Variants in ADAMTSL1 observed in about 807,000 individuals in gnomAD.
The protein encoded by ADAMTSL1 is ADAMTS like 1.
A neutral mutation model predicts 201.8 loss-of-function variants in ADAMTSL1; 126 were observed. The ratio of observed to expected loss-of-function variants is 0.62; its 90% CI spans 0.54 to 0.72. The LOEUF is 0.72. Ranked by LOEUF, ADAMTSL1 falls within the 30% of genes least tolerant of loss-of-function variation. ADAMTSL1 has a pLI of 0.00. For synonymous variants in ADAMTSL1, 1,121 were observed against 903.4 expected (o/e 1.24, Z -4.32); for missense variants, 2,679 against 2,277.8 (o/e 1.18, Z -3.59).
chr9:18,726,257 C>T lies in ADAMTSL1; in HGVS notation c.2006+4592C>T, dbSNP rs971916744. On this transcript the variant is annotated intron_variant, in intron 15 of 28. Coordinates refer to ENST00000380548, the MANE Select transcript of ADAMTSL1 (RefSeq NM_001040272.6). ...GTGGCTCACACCTGTAATCCCAGTACTTTGGGAGGCCAAGGCAGATGGATT... is the reference window on the plus strand; with the variant it reads ...GTGGCTCACACCTGTAATCCCAGTATTTTGGGAGGCCAAGGCAGATGGATT... 3.9e-5 allele frequency among the ~76,000 whole-genome samples: 6 copies of T among 152,266 alleles called. No individual in the cohort carries two copies. In the East Asian group the frequency reaches 5.8e-4, roughly 15 times the overall value.
chr9:18,286,707 G>A (rs1228578064), intron 2 of ADAMTSL1, among the ~76,000 whole-genome samples: 1 of 54,674 alleles, frequency 1.8e-5, no homozygotes, highest in African/African-American at 3.9e-5. Context: ...TGCATTATCA[G>A]GCCCATTCCT....
intron 1 of ADAMTSL1, among the ~76,000 whole-genome samples, chr9:17,927,904 T>A (rs1039176201): frequency 3.3e-5 from 5 of 152,194 alleles, no homozygotes; most frequent in Admixed American, 6.5e-5. Context: ...TGAGTTGCTT[T>A]CACTTTTTGG....
chr9:18,598,069 C>G (rs1198158447), intron 4 of ADAMTSL1, among the ~76,000 whole-genome samples: 3 of 152,084 alleles, frequency 2.0e-5, no homozygotes, highest in Non-Finnish European at 4.4e-5. Flanking sequence ...TCTGAAAAAT[C>G]TAGGGAGAAT....
chr9:18,240,437 G>T (rs1372520525), intron 2 of ADAMTSL1, among the ~76,000 whole-genome samples: 3 of 150,584 alleles, frequency 2.0e-5, no homozygotes, highest in Admixed American at 6.6e-5. Context: ...AGGCTTTGTT[G>T]TTCCATTTAT....
intron 2 of ADAMTSL1, among the ~76,000 whole-genome samples, chr9:18,291,697 GCTCTCT>G (rs71333035): frequency 2.3e-5 from 3 of 132,514 alleles, no homozygotes; most frequent in East Asian, 4.4e-4. Flanking sequence ...GTGCGCACAT[GCTCTCT>G]CTCTCTCTCT....
intron 3 of ADAMTSL1, among the ~76,000 whole-genome samples, chr9:18,563,155 C>G (rs1389174719): frequency 6.6e-6 from 1 of 152,194 alleles, no homozygotes; most frequent in African/African-American, 2.4e-5. Flanking sequence ...ATGGATTTAT[C>G]TACCTTTGGT....
chr9:18,755,142 T>A (rs1819680421), intron 16 of ADAMTSL1, among the ~76,000 whole-genome samples: 1 of 152,224 alleles, frequency 6.6e-6, no homozygotes, highest in African/African-American at 2.4e-5. Context: ...ATGATGTAAC[T>A]GTGGCCTAGA....
chr9:18,112,228 A>C (rs1825054815), intron 1 of ADAMTSL1, among the ~76,000 whole-genome samples: 1 of 152,074 alleles, frequency 6.6e-6, no homozygotes, highest in Non-Finnish European at 1.5e-5. Context: ...AGATGTCATT[A>C]AGGTCCTGTC....
chr9:18,525,889 G>T (rs906397739), intron 2 of ADAMTSL1, among the ~76,000 whole-genome samples: 4 of 152,208 alleles, frequency 2.6e-5, no homozygotes, highest in African/African-American at 2.4e-5. Context: ...TGGAATTAGT[G>T]CAATGTGGTT....
rs895462088 is a variant in ADAMTSL1 at position 18,910,825 on chromosome 9, T to C, written c.*2277T>C. On this transcript the variant is annotated 3_prime_UTR_variant, in exon 29 of 29. Transcript: ENST00000380548. Reference sequence around the variant, plus strand: ...GTACATTTAATGTTTGTTCTGTGAATTGCAACTCAGCAGCACCACAAGACA... The same window carrying C: ...GTACATTTAATGTTTGTTCTGTGAACTGCAACTCAGCAGCACCACAAGACA... The C allele has an allele frequency of 6.6e-6, 1 of 152,216 alleles. No homozygotes were observed. Among genetic ancestry groups the C allele is most frequent in the South Asian group, 2.1e-4 (1 of 4,832 alleles). 9.4% of individuals were successfully genotyped at this position (152,216 alleles called of 1,614,324 possible).
At chr9:18,142,351 G>A (rs1264297998) in intron 1 of ADAMTSL1, among the ~76,000 whole-genome samples, 1 of 152,138 alleles carries the variant, frequency 6.6e-6, no homozygotes, top group Non-Finnish European at 1.5e-5. Flanking sequence ...TGCTAACAAA[G>A]GACAAAGAAA....
At chr9:18,007,136 AAAC>A (rs1296011294) in intron 1 of ADAMTSL1, among the ~76,000 whole-genome samples, 3 of 152,044 alleles carry the variant, frequency 2.0e-5, no homozygotes, top group Non-Finnish European at 4.4e-5. Flanking sequence ...AGATCAGAAT[AAAC>A]AATAGAGTGT....
chr9:18,178,181 A>G (rs918138620), intron 2 of ADAMTSL1, among the ~76,000 whole-genome samples: 18 of 152,224 alleles, frequency 1.2e-4, no homozygotes, highest in Non-Finnish European at 1.8e-4. Flanking sequence ...ACTGTGCGCG[A>G]GCCGAAGCAG....
intron 1 of ADAMTSL1, among the ~76,000 whole-genome samples, chr9:18,142,865 T>C (rs1262092339): frequency 6.6e-6 from 1 of 152,224 alleles, no homozygotes; most frequent in African/African-American, 2.4e-5. Flanking sequence ...AATCCTGGTT[T>C]AGCTAGTTTC....
At chr9:18,655,567 T>C (rs1474987406) in intron 7 of ADAMTSL1, among the ~76,000 whole-genome samples, 1 of 152,038 alleles carries the variant, frequency 6.6e-6, no homozygotes, top group East Asian at 1.9e-4. Context: ...GAAGCTAAGA[T>C]TTTTTTCCCT....
In ADAMTSL1 at chr9:18,777,263, G is replaced by GC; in HGVS notation, c.3034_3035insC (p.Gly1012AlafsTer125). On this transcript the variant is annotated frameshift_variant, in exon 19 of 29. Transcript: ENST00000380548. LOFTEE classifies it high-confidence loss of function. Reference sequence around the variant, plus strand: ...CAACGGCAGCAAGGCGGAGAAGCGGGGCCTGGCCGCCAACCCGGGGAGCCG... The same window carrying GC: ...CAACGGCAGCAAGGCGGAGAAGCGGGCGCCTGGCCGCCAACCCGGGGAGCCG... 6.2e-7 allele frequency: 1 copy of GC among 1,610,768 alleles called. No individual in the cohort carries two copies. The highest frequency in any genetic ancestry group is 8.5e-7 in the Non-Finnish European group (1 of 1,178,992).
At chr9:18,756,109 A>G (rs1819742666) in intron 16 of ADAMTSL1, among the ~76,000 whole-genome samples, 1 of 79,046 alleles carries the variant, frequency 1.3e-5, no homozygotes, top group Non-Finnish European at 2.6e-5. Flanking sequence ...ATATATATAT[A>G]TATATATATA....
chr9:18,199,447 A>G (rs934604397), intron 2 of ADAMTSL1, among the ~76,000 whole-genome samples: 1 of 152,206 alleles, frequency 6.6e-6, no homozygotes, highest in East Asian at 1.9e-4. Flanking sequence ...TTCCTTCCAT[A>G]TTTATTCAGA....
intron 2 of ADAMTSL1, among the ~76,000 whole-genome samples, chr9:18,390,923 A>G (rs1277337053): frequency 6.6e-6 from 1 of 152,192 alleles, no homozygotes; most frequent in East Asian, 1.9e-4. Context: ...TTGGATAATA[A>G]TGTATGCTGA....
Sources: allele counts gnomAD v4.1 joint callset (sites outside exome capture counted in the v4.1 genomes callset), GRCh38; gene constraint gnomAD v4.1.1; transcripts MANE v1.5; gene names NCBI Gene and HGNC (gene_info 2026-07-23, HGNC 2026-07-21).